The following TSPEAR variants were observed in gnomAD, a reference collection of about 807,000 sequenced individuals.
TSPEAR encodes the protein thrombospondin type laminin G domain and EAR repeats.
TSPEAR carries 69 observed loss-of-function variants against 71.6 expected under a neutral mutation model. That is an observed-to-expected ratio of 0.96 (90% CI 0.79 to 1.18). TSPEAR has a LOEUF of 1.18. TSPEAR is among the 50% of genes most tolerant of loss of function. The pLI is 0.00. For synonymous variants in TSPEAR, 402 were observed against 387.2 expected, an observed-to-expected ratio of 1.04 and a Z score of -0.45; for missense variants, 971 against 894.9, an observed-to-expected ratio of 1.09 and a Z score of -1.09.
chr21:44,576,600 TAAAA>T (rs1978471423), intron 1 of TSPEAR, among the ~76,000 whole-genome samples: 1 of 152,168 alleles, frequency 6.6e-6, no homozygotes, highest in Non-Finnish European at 1.5e-5. Flanking sequence ...AGCAGAGAGT[TAAAA>T]ATAACTCCAG....
intron 1 of TSPEAR, chr21:44,627,683 C>T (rs1982936186): frequency 6.2e-7 from 1 of 1,603,510 alleles, no homozygotes; most frequent in Non-Finnish European, 8.5e-7. Flanking sequence ...TGCCAGCCAG[C>T]TTGCTGCACT....
At chr21:44,704,324 G>A (rs139617735) in intron 1 of TSPEAR, among the ~76,000 whole-genome samples, 1 of 151,978 alleles carries the variant, frequency 6.6e-6, no homozygotes, top group African/African-American at 2.4e-5. Context: ...TTCCCTGGCT[G>A]TTGGGGCCTG....
intron 8 of TSPEAR, among the ~76,000 whole-genome samples, chr21:44,523,163 C>G (rs1569162756): frequency 6.9e-6 from 1 of 144,864 alleles, no homozygotes; most frequent in Non-Finnish European, 1.5e-5. Flanking sequence ...GGTAGTTGGT[C>G]AGTCAGTCAG....
intron 1 of TSPEAR, chr21:44,637,842 G>T (rs1555937385): frequency 3.1e-6 from 5 of 1,608,522 alleles, no homozygotes; most frequent in Non-Finnish European, 4.3e-6. Context: ...TCCTCCCCAT[G>T]CCAGCAGGCC....
intron 11 of TSPEAR, among the ~76,000 whole-genome samples, chr21:44,502,613 C>A (rs1263794144): frequency 6.6e-6 from 1 of 152,262 alleles, no homozygotes; most frequent in African/African-American, 2.4e-5. Flanking sequence ...CACGCCGCAT[C>A]CCTGACAGAA....
chr21:44,685,355 C>T (rs3885809), intron 1 of TSPEAR, among the ~76,000 whole-genome samples: 96,943 of 151,118 alleles, frequency 0.64, 31,287 homozygotes, highest in South Asian at 0.72. Context: ...GAGGAGCGTG[C>T]CATCCACACT....
At position 44,533,675 on chromosome 21, in the gene TSPEAR, G is replaced by C; in HGVS notation, c.542+10C>G. ...GACTGCAGGTGCACCCTCCCCGGGT[G>C]GGTACCTACATGTCCACCGGGAGGC... On this transcript the variant is annotated intron_variant, in intron 3 of 11. Transcript: ENST00000323084. The C allele has an allele frequency of 6.3e-7, 1 of 1,598,106 alleles. No homozygotes were observed. The highest frequency in any genetic ancestry group is 1.1e-5 in the South Asian group (1 of 90,650).
intron 2 of TSPEAR, among the ~76,000 whole-genome samples, chr21:44,552,820 G>A (rs1381442623): frequency 1.3e-5 from 2 of 152,158 alleles, no homozygotes; most frequent in African/African-American, 2.4e-5. Context: ...GCACGTGCCA[G>A]TCACTCCGCC....
intron 1 of TSPEAR, among the ~76,000 whole-genome samples, chr21:44,636,332 G>A (rs1474949458): frequency 5.9e-5 from 9 of 152,274 alleles, no homozygotes; most frequent in South Asian, 2.1e-4. Flanking sequence ...TTTATACTTG[G>A]GTCTGCTGGC....
chr21:44,552,353 G>A (rs2053456190), intron 2 of TSPEAR, among the ~76,000 whole-genome samples: 1 of 152,170 alleles, frequency 6.6e-6, no homozygotes, highest in Admixed American at 6.5e-5. Flanking sequence ...CTCTGTCTTG[G>A]GGCCTGAGCC....
intron 1 of TSPEAR, among the ~76,000 whole-genome samples, chr21:44,671,242 G>A (rs1208124329): frequency 6.6e-6 from 1 of 152,224 alleles, no homozygotes; most frequent in East Asian, 1.9e-4. Context: ...ATATTAGGAA[G>A]TGCTGTCTGA....
intron 1 of TSPEAR, among the ~76,000 whole-genome samples, chr21:44,696,482 AG>A (rs1452551482): frequency 6.6e-6 from 1 of 152,220 alleles, no homozygotes; most frequent in African/African-American, 2.4e-5. Flanking sequence ...CTACTTTACA[AG>A]GTTGATGTAT....
At position 44,675,221 on chromosome 21, in the gene TSPEAR, T is replaced by C. The variant is rs587640917; in HGVS notation, c.82+36212A>G. Among the ~76,000 whole-genome samples the C allele has an allele frequency of 2.6e-5, 4 of 152,256 alleles. No homozygotes were observed. In the South Asian group the frequency reaches 6.2e-4, roughly 24 times the overall value. On this transcript the variant is annotated intron_variant, in intron 1 of 11. Transcript: ENST00000323084. Reference sequence around the variant, plus strand: ...ATCCAGCAGCCCATCGAAAAGATAATATACCATGATCAAGTGGAAATTATC... The same window carrying C: ...ATCCAGCAGCCCATCGAAAAGATAACATACCATGATCAAGTGGAAATTATC...
Position 44,540,019 on chromosome 21 carries a change from G to T in TSPEAR, c.304-6096C>A, listed in dbSNP as rs782093418. ...CACGGCTCACTGGGGTGCAGACCAG[G>T]GTCAGGCAGGGGGCCGGGGCGCAGC... On this transcript the variant is annotated intron_variant, in intron 2 of 11. Coordinates refer to ENST00000323084, the MANE Select transcript of TSPEAR (RefSeq NM_144991.3). 4.3e-6 allele frequency: 7 copies of T among 1,613,078 alleles called. No individual in the cohort carries two copies. The South Asian group carries it at 7.7e-5, about 18-fold the overall frequency.
At chr21:44,531,185 T>A (rs1555915739) in intron 3 of TSPEAR, 52 bp from the exon 4 acceptor site, 3 of 1,452,232 alleles carry the variant, frequency 2.1e-6, no homozygotes, top group Non-Finnish European at 2.9e-6. Flanking sequence ...GTCACCCCAG[T>A]TTACTCACAG....
chr21:44,666,256 C>A (rs1985751453), intron 1 of TSPEAR: 1 of 703,366 alleles, frequency 1.4e-6, no homozygotes, highest in Non-Finnish European at 2.3e-6. Flanking sequence ...CCCAGACTTC[C>A]CTGGGGGGAT....
chr21:44,522,727 C>T (rs1029667159), intron 8 of TSPEAR, among the ~76,000 whole-genome samples: 3 of 152,276 alleles, frequency 2.0e-5, no homozygotes, highest in African/African-American at 7.2e-5. Context: ...GTGCTCCTCA[C>T]TGTCTCTGCT....
At chr21:44,512,917 G>A (rs1359842185) in intron 9 of TSPEAR, among the ~76,000 whole-genome samples, 1 of 152,280 alleles carries the variant, frequency 6.6e-6, no homozygotes, top group Non-Finnish European at 1.5e-5. Context: ...GGGGGGCCGG[G>A]GGCGGCTCAG....
chr21:44,601,784 C>A (rs1555928924), intron 1 of TSPEAR: 5 of 1,570,368 alleles, frequency 3.2e-6, no homozygotes, highest in South Asian at 1.2e-5. Context: ...GCCACCTGCA[C>A]CCCTGGATTC....
Sources: gnomAD v4.1 joint callset for allele counts (sites outside exome capture counted in the v4.1 genomes callset) on GRCh38, gnomAD v4.1.1 for gene constraint, MANE v1.5 for transcripts, NCBI Gene and HGNC (gene_info 2026-07-23, HGNC 2026-07-21) for gene names.